Variants in FOXP2 observed in about 807,000 individuals in gnomAD.
FOXP2 encodes forkhead box protein P2.
Under a neutral mutation model 115.8 loss-of-function variants are expected in FOXP2, and 12 were observed. The observed-to-expected ratio is 0.10, with a 90% CI of 0.07 to 0.17. The LOEUF (loss-of-function observed/expected upper bound fraction) is 0.17, where lower values mean the gene tolerates loss of function less well. FOXP2 is among the 10% of genes least tolerant of loss of function. The pLI is 1.00. For synonymous variants in FOXP2, 328 were observed against 297.7 expected, an observed-to-expected ratio of 1.10 and a Z score of -1.05; for missense variants, 629 against 843.5, an observed-to-expected ratio of 0.75 and a Z score of 3.15.
Position 114,363,829 on chromosome 7 carries a change from TA to T in FOXP2, c.-10-62664del, listed in dbSNP as rs937699731. On this transcript the variant is annotated intron_variant, in intron 2 of 17. Transcript: ENST00000634411. ...TGATATTTGTGTATATATGTGTATTTAAAAAAAAAGTACATCCATGACAAGG... is the reference window on the plus strand; with the variant it reads ...TGATATTTGTGTATATATGTGTATTTAAAAAAAAGTACATCCATGACAAGG... 2.0e-3 allele frequency among the ~76,000 whole-genome samples: 299 copies of T among 151,572 alleles called. 2 individuals are homozygous for T. Among genetic ancestry groups the T allele is most frequent in the African/African-American group, 6.9e-3 (284 of 41,392 alleles).
At chr7:114,538,640 A>G (rs1799508615) in intron 3 of FOXP2, among the ~76,000 whole-genome samples, 1 of 151,756 alleles carries the variant, frequency 6.6e-6, no homozygotes, top group African/African-American at 2.4e-5. Context: ...CATCTTTAAA[A>G]TAAAGATGTT....
intron 2 of FOXP2, among the ~76,000 whole-genome samples, chr7:114,297,867 A>G (rs528286016): frequency 3.3e-5 from 5 of 152,316 alleles, no homozygotes; most frequent in Admixed American, 2.0e-4. Flanking sequence ...GGCTGAAAGT[A>G]TAATTAGTTA....
chr7:114,547,584 C>T (rs1220550425), intron 3 of FOXP2, among the ~76,000 whole-genome samples: 1 of 152,020 alleles, frequency 6.6e-6, no homozygotes, highest in Non-Finnish European at 1.5e-5. Flanking sequence ...GGTGAAACCC[C>T]GTCTCTACTA....
chr7:114,240,918 T>C (rs1795135308), intron 1 of FOXP2, among the ~76,000 whole-genome samples: 1 of 152,064 alleles, frequency 6.6e-6, no homozygotes, highest in Non-Finnish European at 1.5e-5. Context: ...TTTAAGATGC[T>C]TATAGGTTAT....
At chr7:114,386,990 A>C (rs1318374246) in intron 2 of FOXP2, among the ~76,000 whole-genome samples, 1 of 152,214 alleles carries the variant, frequency 6.6e-6, no homozygotes, top group Non-Finnish European at 1.5e-5. Flanking sequence ...ATTGTGAACA[A>C]CTTACCTCAT....
chr7:114,355,877 C>T (rs1465220873), intron 2 of FOXP2, among the ~76,000 whole-genome samples: 1 of 152,052 alleles, frequency 6.6e-6, no homozygotes, highest in East Asian at 1.9e-4. Flanking sequence ...GTTATTTTGG[C>T]CATTAGCTTT....
chr7:114,348,152 A>G (rs1287260552), intron 2 of FOXP2, among the ~76,000 whole-genome samples: 2 of 152,110 alleles, frequency 1.3e-5, no homozygotes, highest in Non-Finnish European at 2.9e-5. Context: ...AAGAATTGTT[A>G]TGGATATTTA....
chr7:114,655,326 G>T (rs1184471695), intron 10 of FOXP2, among the ~76,000 whole-genome samples: 2 of 151,622 alleles, frequency 1.3e-5, no homozygotes, highest in African/African-American at 2.4e-5. Flanking sequence ...CAGCAGCATG[G>T]TTACATCTAC....
chr7:114,411,054 A>C (rs922286536), upstream of FOXP2, among the ~76,000 whole-genome samples: 1 of 152,156 alleles, frequency 6.6e-6, no homozygotes, highest in Admixed American at 6.6e-5. Flanking sequence ...AAATGCATAC[A>C]TAAATGGCAA....
At chr7:114,591,387 A>G (rs1171411518) in intron 3 of FOXP2, among the ~76,000 whole-genome samples, 1 of 152,136 alleles carries the variant, frequency 6.6e-6, no homozygotes, top group Non-Finnish European at 1.5e-5. Context: ...TCCAGTTTAA[A>G]TAAGATTAAG....
intron 3 of FOXP2, chr7:114,570,735 T>C: frequency 9.1e-7 from 1 of 1,103,108 alleles, no homozygotes; most frequent in South Asian, 1.2e-5. Context: ...TTAAAAATGA[T>C]AATGTACGTT....
chr7:114,591,257 A>G (rs373553526), intron 3 of FOXP2, among the ~76,000 whole-genome samples: 13 of 152,132 alleles, frequency 8.5e-5, no homozygotes, highest in African/African-American at 2.9e-4. Flanking sequence ...AAACTTTTTA[A>G]TGATTGGTTT....
chr7:114,629,391 A>C lies in FOXP2; in HGVS notation c.397-414A>C, dbSNP rs115911641. ...CAGACCAATTACTTGTAAATCTGAC[A>C]TTGTTCTGAACATCTGATGGATTAA... is the stretch of plus-strand genomic sequence containing the variant. On this transcript the variant is annotated intron_variant, in intron 4 of 16. Transcript: ENST00000350908. Among the ~76,000 whole-genome samples the C allele has an allele frequency of 2.2e-3, 331 of 152,288 alleles. 1 individual carries two copies. Among genetic ancestry groups the C allele is most frequent in the African/African-American group, 7.5e-3 (313 of 41,566 alleles).
intron 1 of FOXP2, among the ~76,000 whole-genome samples, chr7:114,275,576 T>C (rs889912665): frequency 1.3e-5 from 2 of 152,184 alleles, no homozygotes; most frequent in Non-Finnish European, 2.9e-5. Context: ...CTATTGCCCA[T>C]CTGTTATTGG....
At chr7:114,499,238 G>A (rs1381976110) in intron 2 of FOXP2, 2 of 295,788 alleles carry the variant, frequency 6.8e-6, no homozygotes, top group African/African-American at 4.3e-5. Flanking sequence ...AGGATTGCAT[G>A]CAGGATACAC....
intron 3 of FOXP2, among the ~76,000 whole-genome samples, chr7:114,535,196 A>G (rs1464950100): frequency 6.6e-6 from 1 of 151,746 alleles, no homozygotes; most frequent in East Asian, 1.9e-4. Flanking sequence ...ATAAAAACAC[A>G]TTCTGGAGTT....
intron 1 of FOXP2, among the ~76,000 whole-genome samples, chr7:114,138,515 C>T (rs969010979): frequency 6.6e-6 from 1 of 151,954 alleles, no homozygotes; most frequent in Non-Finnish European, 1.5e-5. Context: ...CCTCAGCCTC[C>T]CGAGTAGCTG....
chr7:114,599,918 G>A (rs1802930852), intron 3 of FOXP2, among the ~76,000 whole-genome samples: 1 of 152,054 alleles, frequency 6.6e-6, no homozygotes, highest in South Asian at 2.1e-4. Flanking sequence ...AAAATACAGA[G>A]AGTTCCCTTA....
chr7:114,408,831 A>G (rs1023299906), intron 2 of FOXP2, among the ~76,000 whole-genome samples: 17 of 152,138 alleles, frequency 1.1e-4, no homozygotes, highest in African/African-American at 4.1e-4. Flanking sequence ...AGTACTTGGT[A>G]CTTGTTAATT....
Sources: gnomAD v4.1 joint callset for allele counts (sites outside exome capture counted in the v4.1 genomes callset) on GRCh38, gnomAD v4.1.1 for gene constraint, MANE v1.5 for transcripts, NCBI Gene and HGNC (gene_info 2026-07-23, HGNC 2026-07-21) for gene names.